Variants in ITFG1 observed in about 807,000 individuals in gnomAD.
ITFG1 encodes the protein integrin alpha FG-GAP repeat containing 1, also known as T-cell immunomodulatory protein.
Under a neutral mutation model 81.8 loss-of-function variants are expected in ITFG1, and 34 were observed. The observed-to-expected ratio is 0.42, with a 90% CI of 0.32 to 0.55. The LOEUF (loss-of-function observed/expected upper bound fraction) is 0.55, where lower values mean the gene tolerates loss of function less well. Ranked by LOEUF, ITFG1 falls within the 20% of genes least tolerant of loss-of-function variation. The pLI is 0.17. For missense variants in ITFG1, 672 were observed against 755.4 expected (o/e 0.89, Z 1.29); for synonymous variants, 285 against 270.6 (o/e 1.05, Z -0.52).
intron 14 of ITFG1, among the ~76,000 whole-genome samples, chr16:47,212,692 T>C (rs1205195580): frequency 6.6e-6 from 1 of 152,250 alleles, no homozygotes; most frequent in Non-Finnish European, 1.5e-5. Flanking sequence ...AAGAAGTTTG[T>C]CCATTTCTTC....
intron 10 of ITFG1, among the ~76,000 whole-genome samples, chr16:47,302,237 T>C (rs972509612): frequency 6.6e-6 from 1 of 152,198 alleles, no homozygotes; most frequent in Admixed American, 6.5e-5. Context: ...CAGTCACTTT[T>C]AATAGTCAAA....
rs1964756920 is a variant in ITFG1, at chr16:47,158,898, A to G, written c.1754T>C (p.Ile585Thr). 5 of 1,593,226 alleles carry G rather than the reference A, an allele frequency of 3.1e-6. No individual in the cohort carries two copies. Among genetic ancestry groups the G allele is most frequent in the Non-Finnish European group, 4.3e-6 (5 of 1,166,594 alleles). ...CTTTTCCTGCCAATGTAAAATGCCAATTATTGCCAAGATGAAAACACAGAC... is the reference window on the plus strand; with the variant it reads ...CTTTTCCTGCCAATGTAAAATGCCAGTTATTGCCAAGATGAAAACACAGAC... ...IGVCVFILAI[I>T]GILHWQEKKA... Residue 585 changes from isoleucine to threonine, a missense_variant, in exon 17 of 18, where the codon ATT becomes ACT. This residue lies in a region of ITFG1 where 65 missense variants were observed against 103.3 expected (regional missense o/e 0.63). Transcript: ENST00000320640.
chr16:47,223,959 A>G lies in ITFG1; in HGVS notation c.1375-5013T>C, dbSNP rs566469781. On this transcript the variant is annotated intron_variant, in intron 13 of 17. Transcript: ENST00000320640. ...AAATCATCATTCTCAGTAAACTATC[A>G]CAAGAACAAAAAACCAAACACCGCA... Among the ~76,000 whole-genome samples, 13 of 151,772 alleles carry G rather than the reference A, an allele frequency of 8.6e-5. No individual in the cohort carries two copies. In the South Asian group the frequency reaches 1.3e-3, roughly 15 times the overall value.
At chr16:47,296,963 A>G (rs1017104075) in intron 10 of ITFG1, among the ~76,000 whole-genome samples, 1 of 152,122 alleles carries the variant, frequency 6.6e-6, no homozygotes, top group African/African-American at 2.4e-5. Context: ...GTCCAATTTA[A>G]GTCTAGTGTT....
intron 6 of ITFG1, chr16:47,395,972 A>C: frequency 6.4e-6 from 1 of 156,612 alleles, no homozygotes. Context: ...CTGCTGCTAA[A>C]TGTCATATCA....
At position 47,295,166 on chromosome 16, in the gene ITFG1, T is replaced by G. The variant is rs539791599; in HGVS notation, c.1070+16074A>C. Among the ~76,000 whole-genome samples, 4 of 152,350 alleles carry G rather than the reference T, an allele frequency of 2.6e-5. No individual in the cohort carries two copies. The South Asian group carries it at 8.3e-4, about 32-fold the overall frequency. The stretch of plus-strand genomic sequence containing the variant: ...TGAATCACATTTATTAATTTGCATA[T>G]GTTGAACCATCTTTGCATCGCTGGA... On this transcript the variant is annotated intron_variant, in intron 10 of 17. Transcript: ENST00000320640.
chr16:47,264,197 T>A (rs903767933), intron 10 of ITFG1, among the ~76,000 whole-genome samples: 1 of 152,178 alleles, frequency 6.6e-6, no homozygotes, highest in African/African-American at 2.4e-5. Flanking sequence ...TGCATCTTTC[T>A]AAGCTTTCTT....
chr16:47,171,556 T>G (rs1964962606), intron 14 of ITFG1, among the ~76,000 whole-genome samples: 1 of 152,208 alleles, frequency 6.6e-6, no homozygotes, highest in Admixed American at 6.5e-5. Context: ...CTTTATTATT[T>G]CCATCCTCCT....
intron 8 of ITFG1, among the ~76,000 whole-genome samples, chr16:47,322,065 C>CA (rs1967456514): frequency 6.6e-6 from 1 of 152,070 alleles, no homozygotes. Context: ...AAATAGCATA[C>CA]AGGTTGATTT....
chr16:47,282,992 G>C (rs1966466549), intron 10 of ITFG1, among the ~76,000 whole-genome samples: 1 of 151,972 alleles, frequency 6.6e-6, no homozygotes. Flanking sequence ...CCCTTTGTCA[G>C]ATGTTCAGTT....
intron 14 of ITFG1, among the ~76,000 whole-genome samples, chr16:47,184,464 G>A (rs950005628): frequency 6.6e-6 from 1 of 152,030 alleles, no homozygotes; most frequent in African/African-American, 2.4e-5. Flanking sequence ...AGAGAGTGGG[G>A]GCCAATATTC....
chr16:47,209,638 G>A (rs1178411486), intron 14 of ITFG1, among the ~76,000 whole-genome samples: 1 of 152,166 alleles, frequency 6.6e-6, no homozygotes, highest in Non-Finnish European at 1.5e-5. Flanking sequence ...AGACAGTGAA[G>A]TCCTGAACGT....
chr16:47,261,693 G>T (rs1966211086), intron 10 of ITFG1, among the ~76,000 whole-genome samples: 1 of 151,280 alleles, frequency 6.6e-6, no homozygotes, highest in South Asian at 2.1e-4. Flanking sequence ...ATTTTTTCTT[G>T]AGACAGTCTC....
At chr16:47,303,429 C>A (rs796432760) in intron 10 of ITFG1, among the ~76,000 whole-genome samples, 18 of 152,186 alleles carry the variant, frequency 1.2e-4, no homozygotes, top group African/African-American at 3.9e-4. Flanking sequence ...TTATTATGAG[C>A]TTTAAAAACT....
intron 6 of ITFG1, among the ~76,000 whole-genome samples, chr16:47,425,584 C>T (rs943709192): frequency 3.4e-5 from 5 of 147,832 alleles, no homozygotes; most frequent in East Asian, 2.0e-4. Flanking sequence ...TTGGAAGTGA[C>T]GCTCCTTTTT....
intron 10 of ITFG1, among the ~76,000 whole-genome samples, chr16:47,304,852 T>G (rs536951028): frequency 3.3e-5 from 5 of 152,294 alleles, no homozygotes; most frequent in African/African-American, 1.2e-4. Context: ...TCATAAAACT[T>G]TGTGGCCACT....
At chr16:47,287,452 G>A (rs1035691551) in intron 10 of ITFG1, among the ~76,000 whole-genome samples, 4 of 152,118 alleles carry the variant, frequency 2.6e-5, no homozygotes, top group African/African-American at 9.7e-5. Flanking sequence ...CCAGGCAGGA[G>A]TGCAGTGGCA....
chr16:47,348,156 C>T (rs1967887874), intron 8 of ITFG1, among the ~76,000 whole-genome samples: 2 of 152,212 alleles, frequency 1.3e-5, no homozygotes, highest in Non-Finnish European at 2.9e-5. Context: ...CAGAGCACCT[C>T]TCCTCCTCCA....
chr16:47,293,181 AATGATATATATTATATATCATATATAAAT>A (rs1555508207), intron 10 of ITFG1, among the ~76,000 whole-genome samples: 2 of 142,828 alleles, frequency 1.4e-5, no homozygotes. Context: ...ATCATATACA[AATGATATATATTATATATCATATATAAAT>A]ATGATATATA....
Sources: gnomAD v4.1 joint callset for allele counts (sites outside exome capture counted in the v4.1 genomes callset) on GRCh38, gnomAD v4.1.1 for gene constraint, gnomAD v4.1.1 regional missense constraint, MANE v1.5 for transcripts, NCBI Gene and HGNC (gene_info 2026-07-23, HGNC 2026-07-21) for gene names.